UBE2E3: variants seen among roughly 807,000 people sequenced by gnomAD.
The protein encoded by UBE2E3 is ubiquitin-conjugating enzyme E2 E3.
Under a neutral mutation model 23.6 loss-of-function variants are expected in UBE2E3, and 5 were observed. That is an observed-to-expected ratio of 0.21 (90% CI 0.11 to 0.44). The LOEUF (loss-of-function observed/expected upper bound fraction) is 0.44. UBE2E3 is among the 20% of genes least tolerant of loss of function. The pLI, the probability that UBE2E3 is intolerant of heterozygous loss-of-function variation, is 0.99. For synonymous variants in UBE2E3, 78 were observed against 87.5 expected, an observed-to-expected ratio of 0.89 and a Z score of 0.60; for missense variants, 81 against 249.8, an observed-to-expected ratio of 0.32 and a Z score of 4.55.
At chr2:181,031,578 G>T (rs1686078500) in intron 3 of UBE2E3, among the ~76,000 whole-genome samples, 1 of 152,048 alleles carries the variant, frequency 6.6e-6, no homozygotes, top group Admixed American at 6.6e-5. Flanking sequence ...ATAGGGGTTT[G>T]TTACTACCAT....
intron 3 of UBE2E3, among the ~76,000 whole-genome samples, chr2:181,019,195 A>G (rs1394700667): frequency 6.6e-6 from 1 of 152,196 alleles, no homozygotes; most frequent in Non-Finnish European, 1.5e-5. Flanking sequence ...CCTGACCTCA[A>G]GGGATCCACC....
chr2:180,994,600 T>C (rs1684771965), intron 3 of UBE2E3, among the ~76,000 whole-genome samples: 1 of 152,190 alleles, frequency 6.6e-6, no homozygotes, highest in Non-Finnish European at 1.5e-5. Flanking sequence ...CCCACAGTTA[T>C]TTGAGTGAGG....
intron 5 of UBE2E3, 88 bp downstream of exon 5, chr2:181,060,900 A>G: frequency 8.6e-7 from 1 of 1,167,608 alleles, no homozygotes; most frequent in Middle Eastern, 2.4e-4. Context: ...GTTAGCTTTA[A>G]ATGTAGATTG....
At chr2:181,019,229 G>A (rs1032891867) in intron 3 of UBE2E3, among the ~76,000 whole-genome samples, 1 of 152,148 alleles carries the variant, frequency 6.6e-6, no homozygotes, top group African/African-American at 2.4e-5. Flanking sequence ...CAAAATGCTG[G>A]GATTACAGGT....
intron 3 of UBE2E3, among the ~76,000 whole-genome samples, chr2:181,048,994 C>T (rs113749245): frequency 2.8e-4 from 42 of 152,144 alleles, no homozygotes; most frequent in African/African-American, 9.4e-4. Context: ...TTTTCTCCCT[C>T]TCTTGGGCAG....
intron 3 of UBE2E3, among the ~76,000 whole-genome samples, chr2:181,034,600 A>G (rs571664354): frequency 1.3e-4 from 20 of 152,316 alleles, no homozygotes; most frequent in Non-Finnish European, 2.9e-5. Flanking sequence ...TGGGTGCAGC[A>G]CACCAACATG....
chr2:181,038,459 A>C (rs988594542), intron 3 of UBE2E3, among the ~76,000 whole-genome samples: 9 of 152,248 alleles, frequency 5.9e-5, no homozygotes, highest in African/African-American at 2.2e-4. Context: ...ACACATGACC[A>C]TACAAAAATT....
In UBE2E3 at chr2:181,016,321, C is replaced by G. The variant is rs1237091558; in HGVS notation, c.245+32228C>G. Among the ~76,000 whole-genome samples, 3 of 152,086 alleles carry G rather than the reference C, an allele frequency of 2.0e-5. No homozygotes were observed. The South Asian group carries it at 6.2e-4, about 32-fold the overall frequency. ...TCTTGATCTCCTGGGTTCAAGCGAT[C>G]CTGCTTCCTTGGCCTCCCAAAGTGC... On this transcript the variant is annotated intron_variant, in intron 3 of 5. Coordinates refer to ENST00000410062, the MANE Select transcript of UBE2E3 (RefSeq NM_006357.4).
intron 3 of UBE2E3, among the ~76,000 whole-genome samples, chr2:181,005,704 G>T (rs1685129586): frequency 6.6e-6 from 1 of 151,946 alleles, no homozygotes; most frequent in South Asian, 2.1e-4. Flanking sequence ...ATTTGTTACG[G>T]TTATATAGTT....
rs560872176 is a variant in UBE2E3 at position 181,046,120 on chromosome 2, G to T, written c.246-11573G>T. Among the ~76,000 whole-genome samples the T allele has an allele frequency of 1.8e-4, 28 of 152,216 alleles. No individual in the cohort carries two copies. The South Asian group carries it at 5.6e-3, about 30-fold the overall frequency. On this transcript the variant is annotated intron_variant, in intron 3 of 5. Transcript: ENST00000410062. ...CATGGTAGATAATCAGTAAATGTTA[G>T]AAGAGTGAATCAGTAACACTGAGTA...
intron 3 of UBE2E3, among the ~76,000 whole-genome samples, chr2:181,017,549 C>G (rs1353317975): frequency 6.6e-6 from 1 of 151,762 alleles, no homozygotes; most frequent in African/African-American, 2.4e-5. Flanking sequence ...CTAAAGTCAC[C>G]TCATGGAAAT....
chr2:181,048,717 A>G (rs150160371), intron 3 of UBE2E3, among the ~76,000 whole-genome samples: 7 of 152,230 alleles, frequency 4.6e-5, no homozygotes, highest in Admixed American at 2.6e-4. Flanking sequence ...TTCAACCTAA[A>G]TAAATATGAT....
chr2:180,980,869 C>A lies in UBE2E3; in HGVS notation c.-130C>A, dbSNP rs888589289. ...TCGGCTTCTTTTTTTCCCTCCCCCC[C>A]CTTCCCCCCCCCACAGCTGCCTCCA... is the stretch of plus-strand genomic sequence containing the variant. On this transcript the variant is annotated 5_prime_UTR_variant, in exon 1 of 6. Coordinates refer to ENST00000410062, the MANE Select transcript of UBE2E3 (RefSeq NM_006357.4). The surrounding 1 kb of genome is among the most constrained non-coding windows in gnomAD (Gnocchi z 5.5). 1.1e-4 allele frequency: 17 copies of A among 149,822 alleles called. No individual in the cohort carries two copies. Among genetic ancestry groups the A allele is most frequent in the Non-Finnish European group, 2.1e-4 (14 of 67,202 alleles). 9.3% of individuals were successfully genotyped at this position (149,822 alleles called of 1,614,324 possible). A position where few individuals can be genotyped will look rare whatever the true frequency, so the allele number is the denominator to read the frequency against.
chr2:181,013,509 T>C (rs540795495), intron 3 of UBE2E3, among the ~76,000 whole-genome samples: 181 of 143,894 alleles, frequency 1.3e-3, no homozygotes, highest in African/African-American at 4.2e-3. Flanking sequence ...TCTTGACTTG[T>C]TGGCCTACCT....
chr2:181,015,027 G>A (rs1162628290), intron 3 of UBE2E3, among the ~76,000 whole-genome samples: 1 of 152,154 alleles, frequency 6.6e-6, no homozygotes. Context: ...GGTCAAGCAG[G>A]CATTAGAGAC....
At chr2:181,020,043 A>C (rs1685625720) in intron 3 of UBE2E3, among the ~76,000 whole-genome samples, 1 of 152,116 alleles carries the variant, frequency 6.6e-6, no homozygotes, top group Admixed American at 6.5e-5. Flanking sequence ...TACTCTTTGC[A>C]TCTCTGAGTT....
intron 3 of UBE2E3, among the ~76,000 whole-genome samples, chr2:181,043,656 TA>T (rs1212015928): frequency 6.6e-6 from 1 of 152,092 alleles, no homozygotes; most frequent in Non-Finnish European, 1.5e-5. Context: ...GAAAGTAAAA[TA>T]TAATAATTAA....
intron 3 of UBE2E3, among the ~76,000 whole-genome samples, chr2:181,050,332 T>G (rs1256152289): frequency 6.6e-6 from 1 of 151,934 alleles, no homozygotes; most frequent in Non-Finnish European, 1.5e-5. Context: ...CATTTTGTTT[T>G]TCCTCCCATC....
At chr2:181,060,850 A>G in intron 5 of UBE2E3, 38 bp downstream of exon 5, 1 of 1,407,208 alleles carries the variant, frequency 7.1e-7, no homozygotes, top group South Asian at 1.5e-5. Flanking sequence ...ATAAGACTAC[A>G]AAAACGAGTG....
Sources: gnomAD v4.1 joint callset for allele counts (sites outside exome capture counted in the v4.1 genomes callset) on GRCh38, gnomAD v4.1.1 for gene constraint, Gnocchi (gnomAD v3.1) non-coding constraint, MANE v1.5 for transcripts, NCBI Gene and HGNC (gene_info 2026-07-23, HGNC 2026-07-21) for gene names.